The following HS6ST2 variants were observed in gnomAD, a reference collection of about 807,000 sequenced individuals.
HS6ST2 encodes heparan sulfate 6-O-sulfotransferase 2.
A neutral mutation model predicts 33.0 loss-of-function variants in HS6ST2; 17 were observed. The observed-to-expected ratio is 0.52, with a 90% CI of 0.35 to 0.77. The LOEUF (loss-of-function observed/expected upper bound fraction) is 0.77, where lower values mean the gene tolerates loss of function less well. Among genes scored for constraint, HS6ST2 ranks in the 30% least tolerant of loss-of-function variants. The pLI is 0.01. For synonymous variants in HS6ST2, 248 were observed against 237.1 expected (o/e 1.05, Z -0.42); for missense variants, 519 against 551.7 (o/e 0.94, Z 0.59).
chrX:132,650,282 A>C (rs764538710), intron 4 of HS6ST2, among the ~76,000 whole-genome samples: 113 of 111,351 alleles, frequency 1.0e-3, no homozygotes, highest in Non-Finnish European at 1.2e-3. Context: ...TTGGACAAAG[A>C]GGTAGAGCAG....
At chrX:132,631,524 C>G (rs1354403141) in intron 4 of HS6ST2, among the ~76,000 whole-genome samples, 2 of 110,317 alleles carry the variant, frequency 1.8e-5, no homozygotes, top group Non-Finnish European at 3.8e-5. Flanking sequence ...AGCTTTAGTA[C>G]TCATCCATTC....
intron 4 of HS6ST2, among the ~76,000 whole-genome samples, chrX:132,647,032 T>G (rs1185164358): frequency 9.0e-6 from 1 of 111,615 alleles, no homozygotes; most frequent in East Asian, 2.8e-4. Context: ...ATGGGGATTT[T>G]GGGAGCTACA....
intron 2 of HS6ST2, among the ~76,000 whole-genome samples, chrX:132,925,154 C>T (rs1388881348): frequency 9.0e-6 from 1 of 111,436 alleles, no homozygotes; most frequent in Non-Finnish European, 1.9e-5. Context: ...CTAATGAAGC[C>T]TCCACAAAAC....
chrX:132,914,954 G>T (rs1030106221), intron 2 of HS6ST2, among the ~76,000 whole-genome samples: 9 of 112,906 alleles, frequency 8.0e-5, no homozygotes, highest in Admixed American at 7.5e-4. Context: ...TAAAAGGAAA[G>T]ATGTATTTTC....
chrX:132,798,547 T>A (rs187229521), intron 2 of HS6ST2, among the ~76,000 whole-genome samples: 10 of 112,006 alleles, frequency 8.9e-5, no homozygotes, highest in Non-Finnish European at 5.6e-5. Flanking sequence ...TCCAGTATTG[T>A]CCTATTTGTG....
rs778327224 is a variant in HS6ST2, at chrX:132,674,865, T to A, written c.981-5666A>T. On this transcript the variant is annotated intron_variant, in intron 3 of 4. Coordinates refer to ENST00000370833, the MANE Select transcript of HS6ST2 (RefSeq NM_001394073.1). ...GATTGAGGAGCAGAAACCATAGTTA[T>A]GGAATTGGATGGTTTGGGGTAATTG... Among the ~76,000 whole-genome samples, 3 of 111,504 alleles carry A rather than the reference T, an allele frequency of 2.7e-5. No individual in the cohort carries two copies. In the South Asian group the frequency reaches 1.1e-3, roughly 43 times the overall value.
At chrX:132,916,013 G>A (rs184486831) in intron 2 of HS6ST2, among the ~76,000 whole-genome samples, 15 of 111,023 alleles carry the variant, frequency 1.4e-4, no homozygotes, top group Non-Finnish European at 2.5e-4. Flanking sequence ...GATTACAGAC[G>A]TGAGCCACTG....
chrX:132,709,860 G>A (rs1181985437), intron 2 of HS6ST2, among the ~76,000 whole-genome samples: 2 of 70,618 alleles, frequency 2.8e-5, no homozygotes, highest in Non-Finnish European at 2.7e-5. Context: ...TTTTTAGAAG[G>A]AAAACATAAA....
chrX:132,882,565 C>A (rs1372281707), intron 2 of HS6ST2, among the ~76,000 whole-genome samples: 2 of 105,851 alleles, frequency 1.9e-5, no homozygotes, highest in East Asian at 2.9e-4. Flanking sequence ...ATCATGTCAT[C>A]TGCAAACAGG....
intron 4 of HS6ST2, among the ~76,000 whole-genome samples, chrX:132,657,232 G>A (rs2063736814): frequency 9.0e-6 from 1 of 111,377 alleles, no homozygotes; most frequent in African/African-American, 3.3e-5. Context: ...TTATGCATGT[G>A]TTTCCTCACC....
intron 2 of HS6ST2, among the ~76,000 whole-genome samples, chrX:132,854,595 T>C (rs944353464): frequency 2.7e-5 from 3 of 112,672 alleles, no homozygotes; most frequent in African/African-American, 9.7e-5. Context: ...CATAATATAT[T>C]TGTGGTCCTT....
chrX:132,651,474 T>C (rs2063692222), intron 4 of HS6ST2, among the ~76,000 whole-genome samples: 1 of 112,145 alleles, frequency 8.9e-6, no homozygotes, highest in South Asian at 3.7e-4. Context: ...GATTCAACTT[T>C]CAGAAATAGT....
chrX:132,765,029 A>G (rs956958717), intron 2 of HS6ST2, among the ~76,000 whole-genome samples: 1 of 112,168 alleles, frequency 8.9e-6, no homozygotes, highest in Non-Finnish European at 1.9e-5. Flanking sequence ...TCAGGTGAAT[A>G]TAGCAAGTGT....
At chrX:132,711,035 G>C (rs943432431) in intron 2 of HS6ST2, among the ~76,000 whole-genome samples, 1 of 111,824 alleles carries the variant, frequency 8.9e-6, no homozygotes, top group Non-Finnish European at 1.9e-5. Flanking sequence ...CCAGACACTG[G>C]CTGGAGAAAA....
chrX:132,669,586 G>T (rs1003077888), intron 3 of HS6ST2: 1 of 117,204 alleles, frequency 8.5e-6, no homozygotes, highest in African/African-American at 3.2e-5. Context: ...TTCATTACAT[G>T]TTCAGTTCTG....
intron 4 of HS6ST2, among the ~76,000 whole-genome samples, chrX:132,653,452 G>A (rs2063707962): frequency 8.9e-6 from 1 of 111,836 alleles, no homozygotes; most frequent in African/African-American, 3.3e-5. Context: ...TAAATTACCT[G>A]GAAAGGATCT....
chrX:132,843,711 C>T (rs1418800496), intron 2 of HS6ST2, among the ~76,000 whole-genome samples: 1 of 111,366 alleles, frequency 9.0e-6, no homozygotes, highest in African/African-American at 3.3e-5. Flanking sequence ...CTGGTCAGAA[C>T]ACTCCCGAAA....
rs772900746 is a variant in HS6ST2, at chrX:132,958,279, G to A, written c.324C>T (p.Gly108=). Residue 108 remains glycine, a synonymous_variant, in exon 1 of 5, where the codon GGC becomes GGT. Coordinates refer to ENST00000370833, the MANE Select transcript of HS6ST2 (RefSeq NM_001394073.1). ...GAGTGAGCAGGGCCCGGCAGAGGGA[G>A]CCCAGGTCCCAGCGTCGCCTGAGGA... ...MHVLRRRWDL[G]SLCRALLTRG... 5.9e-6 allele frequency: 7 copies of A among 1,191,851 alleles called. 1 individual carries two copies. In the East Asian group the frequency reaches 2.1e-4, roughly 36 times the overall value.
intron 4 of HS6ST2, among the ~76,000 whole-genome samples, chrX:132,632,183 A>T (rs1191007952): frequency 1.8e-5 from 2 of 111,325 alleles, no homozygotes; most frequent in Non-Finnish European, 3.8e-5. Flanking sequence ...GACTCATATG[A>T]CAAAACCTGC....
Sources: allele counts gnomAD v4.1 joint callset (sites outside exome capture counted in the v4.1 genomes callset), GRCh38; gene constraint gnomAD v4.1.1; transcripts MANE v1.5; gene names NCBI Gene and HGNC (gene_info 2026-07-23, HGNC 2026-07-21).